Variants in ITGB6 observed in about 807,000 individuals in gnomAD.
ITGB6 encodes the protein integrin subunit beta 6.
A neutral mutation model predicts 84.5 loss-of-function variants in ITGB6; 80 were observed. The observed-to-expected ratio is 0.95, with a 90% confidence interval of 0.79 to 1.14. The LOEUF is 1.14. ITGB6 is among the 50% of genes most tolerant of loss of function. The probability of loss-of-function intolerance (pLI) is 0.00; values close to 1 mark genes in which losing one functional copy is unlikely to be tolerated. For synonymous variants in ITGB6, 383 were observed against 354.9 expected (o/e 1.08, Z -0.89); for missense variants, 1,006 against 968.0 (o/e 1.04, Z -0.52).
chr2:160,172,441 G>T lies in ITGB6; in HGVS notation c.921+128C>A. The T allele has an allele frequency of 5.5e-6, 5 of 912,898 alleles. No homozygotes were observed. The East Asian group carries it at 1.2e-4, about 22-fold the overall frequency. 56.5% of individuals were successfully genotyped at this position (912,898 alleles called of 1,614,324 possible). A position where few individuals can be genotyped will look rare whatever the true frequency, so the allele number is the denominator to read the frequency against. The stretch of plus-strand genomic sequence containing the variant: ...GGTGAGAATCGAGCTGGGGCAACTT[G>T]TTAATCCCACATTAGAAAATGTGCA... On this transcript the variant is annotated intron_variant, in intron 6 of 14. Transcript: ENST00000283249.
chr2:160,174,088 T>C lies in ITGB6; in HGVS notation c.645A>G (p.Pro215=), dbSNP rs141975569. Residue 215 remains proline (P), a synonymous_variant, in exon 5 of 15, where the codon CCA becomes CCG. Transcript: ENST00000283249. ...LPTFGFKHIL[P]LTNDAERFNE... ...TGAATCTTTCAGCATCATTTGTCAA[T>C]GGCAAAATGTGCTTGAATCCAAATG... 7.6e-4 allele frequency: 1,231 copies of C among 1,612,410 alleles called. 17 individuals are homozygous for C. In the Middle Eastern group the frequency reaches 9.5e-3, roughly 12 times the overall value.
chr2:160,140,683 A>G (rs897097902), intron 8 of ITGB6, among the ~76,000 whole-genome samples: 1 of 152,234 alleles, frequency 6.6e-6, no homozygotes, highest in Non-Finnish European at 1.5e-5. Flanking sequence ...AGCATGAGCT[A>G]ATGTGGTGAT....
chr2:160,188,560 G>A (rs184247662), intron 4 of ITGB6, among the ~76,000 whole-genome samples: 207 of 151,858 alleles, frequency 1.4e-3, no homozygotes, highest in Non-Finnish European at 3.7e-4. Context: ...AACATATCAT[G>A]GTCAGGCCCA....
At chr2:160,107,453 C>T (rs1414034929) in intron 14 of ITGB6, among the ~76,000 whole-genome samples, 2 of 152,094 alleles carry the variant, frequency 1.3e-5, no homozygotes, top group Non-Finnish European at 2.9e-5. Flanking sequence ...GACCCTTCAT[C>T]GTGGTGGAAA....
chr2:160,126,719 T>C (rs1458611134), intron 10 of ITGB6, 118 bp from the exon 11 acceptor site: 2 of 949,242 alleles, frequency 2.1e-6, no homozygotes, highest in African/African-American at 1.6e-5. Context: ...AAGAAAAAAA[T>C]GAGAAAAAAA....
At chr2:160,199,032 A>G in intron 2 of ITGB6, 147 bp downstream of exon 2, 1 of 594,482 alleles carries the variant, frequency 1.7e-6, no homozygotes. Flanking sequence ...ATTTTGATCT[A>G]CCAATGCTCA....
chr2:160,141,414 G>A (rs1347758383), intron 8 of ITGB6, among the ~76,000 whole-genome samples: 2 of 152,148 alleles, frequency 1.3e-5, no homozygotes, highest in Admixed American at 1.3e-4. Flanking sequence ...GAGGAATTCT[G>A]TCCTCAGGTA....
At chr2:160,198,596 T>C (rs901885856) in intron 2 of ITGB6, among the ~76,000 whole-genome samples, 1 of 152,246 alleles carries the variant, frequency 6.6e-6, no homozygotes, top group Non-Finnish European at 1.5e-5. Flanking sequence ...TGCTTTCATG[T>C]AGTTTTCGGT....
chr2:160,193,468 A>G (rs1310486638), intron 4 of ITGB6, among the ~76,000 whole-genome samples: 1 of 152,242 alleles, frequency 6.6e-6, no homozygotes, highest in Non-Finnish European at 1.5e-5. Flanking sequence ...TTGCCTCTGA[A>G]GTGGTAGAAC....
At chr2:160,194,610 T>C (rs1686262741) in intron 4 of ITGB6, among the ~76,000 whole-genome samples, 1 of 152,112 alleles carries the variant, frequency 6.6e-6, no homozygotes, top group Non-Finnish European at 1.5e-5. Context: ...CCTGCTGTTA[T>C]TATGAAGGCT....
intron 10 of ITGB6, among the ~76,000 whole-genome samples, chr2:160,129,402 A>AAG (rs1233146274): frequency 6.6e-6 from 1 of 151,466 alleles, no homozygotes; most frequent in Non-Finnish European, 1.5e-5. Flanking sequence ...CAAAAAAAAA[A>AAG]AAAAAAAAGA....
chr2:160,187,663 G>A (rs540128764), intron 4 of ITGB6, among the ~76,000 whole-genome samples: 3 of 152,230 alleles, frequency 2.0e-5, no homozygotes, highest in Non-Finnish European at 4.4e-5. Flanking sequence ...GTAAAACAGT[G>A]CCACTCCATT....
chr2:160,188,984 G>A (rs1390393521), intron 4 of ITGB6, among the ~76,000 whole-genome samples: 1 of 151,992 alleles, frequency 6.6e-6, no homozygotes, highest in Non-Finnish European at 1.5e-5. Flanking sequence ...AAAACAGCAT[G>A]GTACTGGTAC....
At chr2:160,183,761 G>A (rs529668924) in intron 4 of ITGB6, among the ~76,000 whole-genome samples, 2 of 152,102 alleles carry the variant, frequency 1.3e-5, no homozygotes, top group African/African-American at 2.4e-5. Flanking sequence ...CTCAGCAAAC[G>A]CAAAAGAATG....
In ITGB6 at chr2:160,126,537, G is replaced by T. The variant is rs1395579738; in HGVS notation, c.1725C>A (p.Asn575Lys). 3.1e-6 allele frequency: 5 copies of T among 1,614,034 alleles called. No homozygotes were observed. The highest frequency in any genetic ancestry group is 4.2e-6 in the Non-Finnish European group (5 of 1,179,992). ...CRSGWTGEYC[N>K]CTTSTDSCVS... ...CGCAGGAGTCCGTGCTGGTGGTGCA[G>T]TTGCAGTACTCGCCAGTCCAGCCGC... The change falls in exon 11 of 15, where the codon AAC (asparagine) becomes AAA (lysine). Residue 575 changes from asparagine (N) to lysine (K), a missense_variant. Physicochemically the swap from Asn to Lys is moderately conservative, Grantham distance 94. Transcript: ENST00000283249.
At chr2:160,174,165 T>A in intron 4 of ITGB6, 26 bp from the exon 5 acceptor site, 2 of 1,540,876 alleles carry the variant, frequency 1.3e-6, no homozygotes, top group Non-Finnish European at 1.8e-6. Context: ...GCAAAAATAC[T>A]GTTGATGAAA....
chr2:160,146,052 C>A (rs1684174486), intron 7 of ITGB6, among the ~76,000 whole-genome samples: 1 of 152,108 alleles, frequency 6.6e-6, no homozygotes, highest in Admixed American at 6.5e-5. Context: ...GTCTCAGAGA[C>A]CCCTCCTACC....
intron 7 of ITGB6, among the ~76,000 whole-genome samples, chr2:160,165,559 A>G (rs1017475431): frequency 1.3e-4 from 20 of 152,356 alleles, no homozygotes; most frequent in African/African-American, 4.6e-4. Context: ...AGAACCAAAT[A>G]GAAGAAAGAA....
At position 160,101,714 on chromosome 2, in the gene ITGB6, T is replaced by G; in HGVS notation, c.*22A>C. On this transcript the variant is annotated 3_prime_UTR_variant, in exon 15 of 15. Transcript: ENST00000283249. ...AACATTTCATATCAGTGAAACAGAC[T>G]TTTTTCATGCATAAAGTAGTTCTAG... The G allele has an allele frequency of 7.7e-7, 1 of 1,302,828 alleles. No homozygotes were observed. The highest frequency in any genetic ancestry group is 1.1e-6 in the Non-Finnish European group (1 of 898,438). The allele number at this position is 1,302,828 out of a possible 1,614,324, so 80.7% of individuals were successfully genotyped here.
Sources: allele counts gnomAD v4.1 joint callset (sites outside exome capture counted in the v4.1 genomes callset), GRCh38; gene constraint gnomAD v4.1.1; transcripts MANE v1.5; gene names NCBI Gene and HGNC (gene_info 2026-07-23, HGNC 2026-07-21).